The following CDH13 variants were observed in gnomAD, a reference collection of about 807,000 sequenced individuals.
CDH13 encodes the protein cadherin 13.
A neutral mutation model predicts 63.8 loss-of-function variants in CDH13; 24 were observed. The observed-to-expected ratio is 0.38, with a 90% CI of 0.27 to 0.53. The LOEUF (loss-of-function observed/expected upper bound fraction) is 0.53, where lower values mean the gene tolerates loss of function less well. Ranked by LOEUF, CDH13 falls within the 20% of genes least tolerant of loss-of-function variation. The pLI is 0.85. For missense variants in CDH13, 1,049 were observed against 903.1 expected (o/e 1.16, Z -2.07); for synonymous variants, 503 against 355.3 (o/e 1.42, Z -4.67).
rs369889580 is a variant in CDH13, at chr16:83,783,395, A to T, written c.2057A>T (p.Lys686Ile). ...CAAGTGTGCTCCTGCAGGAATTCCA[A>T]AGTGGACTGCAACGCGGCAGGGGCC... ...RVQVCSCRNSKVDCNAAGALR... is the reference protein window; with the variant it reads ...RVQVCSCRNSIVDCNAAGALR... Residue 686 changes from lysine (K) to isoleucine (I), a missense_variant, in exon 13 of 14, where the codon AAA becomes ATA. Lys to Ile is a moderately radical substitution (Grantham distance 102). Transcript: ENST00000567109. 1 of 1,613,840 alleles carries T rather than the reference A, an allele frequency of 6.2e-7. No homozygotes were observed. The highest frequency in any genetic ancestry group is 1.3e-5 in the African/African-American group (1 of 74,920).
intron 3 of CDH13, among the ~76,000 whole-genome samples, chr16:83,069,614 T>A (rs768595298): frequency 6.6e-6 from 1 of 152,170 alleles, no homozygotes; most frequent in Non-Finnish European, 1.5e-5. Flanking sequence ...TAGAATCTTA[T>A]CTACTATGCC....
intron 6 of CDH13, among the ~76,000 whole-genome samples, chr16:83,464,096 C>CA (rs2073247911): frequency 6.6e-6 from 1 of 152,112 alleles, no homozygotes; most frequent in Non-Finnish European, 1.5e-5. Context: ...TGTTTTGAGA[C>CA]AGAGTCTTGC....
At chr16:82,982,054 T>G (rs1407427338) in intron 2 of CDH13, among the ~76,000 whole-genome samples, 1 of 152,190 alleles carries the variant, frequency 6.6e-6, no homozygotes, top group Non-Finnish European at 1.5e-5. Context: ...CATATTTCCC[T>G]GAATCAACTT....
chr16:82,813,918 C>G (rs2037573505), intron 1 of CDH13, among the ~76,000 whole-genome samples: 1 of 152,092 alleles, frequency 6.6e-6, no homozygotes, highest in Non-Finnish European at 1.5e-5. Flanking sequence ...TTTTATCATC[C>G]ATGCAATAGG....
intron 2 of CDH13, among the ~76,000 whole-genome samples, chr16:82,880,968 C>G (rs962199570): frequency 6.6e-6 from 1 of 152,150 alleles, no homozygotes; most frequent in Non-Finnish European, 1.5e-5. Flanking sequence ...TTTTTAAAGC[C>G]TTTAGACATT....
chr16:82,665,189 TA>T (rs1379217756), intron 1 of CDH13, among the ~76,000 whole-genome samples: 1 of 152,212 alleles, frequency 6.6e-6, no homozygotes, highest in African/African-American at 2.4e-5. Flanking sequence ...GCCACAATTT[TA>T]TGCTATTTCT....
At chr16:83,195,989 C>G (rs1329569339) in intron 4 of CDH13, among the ~76,000 whole-genome samples, 1 of 152,206 alleles carries the variant, frequency 6.6e-6, no homozygotes, top group African/African-American at 2.4e-5. Context: ...GGCCCAGTAG[C>G]TCACAACTGT....
At chr16:82,948,109 G>C (rs1355148964) in intron 2 of CDH13, among the ~76,000 whole-genome samples, 5 of 152,070 alleles carry the variant, frequency 3.3e-5, no homozygotes, top group African/African-American at 1.2e-4. Context: ...AGTAAAGCCG[G>C]TAACTCTAAC....
chr16:83,711,796 G>A (rs534402896), intron 10 of CDH13, among the ~76,000 whole-genome samples: 27 of 152,346 alleles, frequency 1.8e-4, no homozygotes, highest in African/African-American at 2.9e-4. Flanking sequence ...GATTACAGGC[G>A]TGAGCCACCA....
At chr16:83,342,829 GTTTTTTTGTTTCTGT>G (rs1248205081) in intron 5 of CDH13, among the ~76,000 whole-genome samples, 1 of 78,402 alleles carries the variant, frequency 1.3e-5, no homozygotes, top group Admixed American at 1.2e-4. Flanking sequence ...TAGGCACAGT[GTTTTTTTGTTTCTGT>G]TTTTTTTTTT....
chr16:82,817,339 G>A (rs1304744839), intron 1 of CDH13, among the ~76,000 whole-genome samples: 1 of 152,090 alleles, frequency 6.6e-6, no homozygotes, highest in Non-Finnish European at 1.5e-5. Flanking sequence ...CGTGCTCACT[G>A]TCTTTAGGAA....
chr16:82,646,936 C>T (rs546011622), intron 1 of CDH13, among the ~76,000 whole-genome samples: 12 of 152,200 alleles, frequency 7.9e-5, no homozygotes, highest in South Asian at 6.2e-4. Flanking sequence ...GTGAAGGCAA[C>T]GTGAGATTGG....
chr16:82,836,514 C>G (rs1433528815), intron 1 of CDH13, among the ~76,000 whole-genome samples: 4 of 152,030 alleles, frequency 2.6e-5, no homozygotes, highest in Admixed American at 6.5e-5. Context: ...CGTGATATGC[C>G]AAAGTGGGTG....
At chr16:83,059,802 T>TTG (rs1406303014) in intron 3 of CDH13, among the ~76,000 whole-genome samples, 4 of 147,820 alleles carry the variant, frequency 2.7e-5, no homozygotes, top group African/African-American at 1.0e-4. Context: ...TGTTTTTTTT[T>TTG]TTTTTTTTTT....
intron 2 of CDH13, among the ~76,000 whole-genome samples, chr16:82,914,518 C>T (rs2041925779): frequency 1.3e-5 from 2 of 152,170 alleles, no homozygotes; most frequent in Admixed American, 6.5e-5. Context: ...CATCTTCTAA[C>T]CCTCTAAGGA....
At chr16:83,474,687 C>G (rs1186801617) in intron 6 of CDH13, among the ~76,000 whole-genome samples, 1 of 152,208 alleles carries the variant, frequency 6.6e-6, no homozygotes, top group Non-Finnish European at 1.5e-5. Context: ...AATAGCAGTT[C>G]TCTGGTGTCC....
At chr16:82,937,021 T>G (rs1458278695) in intron 2 of CDH13, among the ~76,000 whole-genome samples, 4 of 152,112 alleles carry the variant, frequency 2.6e-5, no homozygotes, top group African/African-American at 9.7e-5. Context: ...CACAGGCTGG[T>G]GTTTAGGTTC....
At position 83,014,729 on chromosome 16, in the gene CDH13, T is replaced by TAAAA. The variant is rs36157010; in HGVS notation, c.158-17269_158-17266dup. On this transcript the variant is annotated intron_variant, in intron 2 of 13. Coordinates refer to ENST00000567109, the MANE Select transcript of CDH13 (RefSeq NM_001257.5). The stretch of plus-strand genomic sequence containing the variant: ...TTGGGCAACAGAGGGAGACTCCATC[T>TAAAA]AAAAAAAAAAAAAAATATATATATA... Among the ~76,000 whole-genome samples, 86 of 22,280 alleles carry TAAAA rather than the reference T, an allele frequency of 3.9e-3. 7 individuals carry two copies. Among genetic ancestry groups the TAAAA allele is most frequent in the African/African-American group, 0.013 (78 of 5,906 alleles). The allele number at this position is 22,280 out of a possible 152,430, so 14.6% of individuals were successfully genotyped here. A position where few individuals can be genotyped will look rare whatever the true frequency, so the allele number is the denominator to read the frequency against.
chr16:83,373,843 G>GT (rs1214838114), intron 6 of CDH13, among the ~76,000 whole-genome samples: 1 of 152,122 alleles, frequency 6.6e-6, no homozygotes, highest in Non-Finnish European at 1.5e-5. Flanking sequence ...TCTGGAAGGC[G>GT]TGAGTCCCAT....
Sources: gnomAD v4.1 joint callset for allele counts (sites outside exome capture counted in the v4.1 genomes callset) on GRCh38, gnomAD v4.1.1 for gene constraint, MANE v1.5 for transcripts, NCBI Gene and HGNC (gene_info 2026-07-23, HGNC 2026-07-21) for gene names.